Variants in INPP5B observed in about 807,000 individuals in gnomAD.
The protein encoded by INPP5B is inositol polyphosphate-5-phosphatase B, also known as type II inositol 1,4,5-trisphosphate 5-phosphatase.
In INPP5B, 90 loss-of-function variants were observed where a neutral mutation model predicts 118.5. The observed-to-expected ratio is 0.76, with a 90% CI of 0.64 to 0.90. The LOEUF is 0.90. Among genes scored for constraint, INPP5B ranks in the 40% least tolerant of loss-of-function variants. The pLI is 0.00. For synonymous variants in INPP5B, 385 were observed against 418.9 expected (o/e 0.92, Z 0.99); for missense variants, 984 against 1,125.6 (o/e 0.87, Z 1.80).
intron 7 of INPP5B, among the ~76,000 whole-genome samples, chr1:37,922,962 G>A (rs992913832): frequency 6.6e-6 from 1 of 152,204 alleles, no homozygotes; most frequent in African/African-American, 2.4e-5. Flanking sequence ...CTTCCCTTCA[G>A]TGGGCCTTCT....
At chr1:37,927,834 G>A (rs190416870) in intron 7 of INPP5B, among the ~76,000 whole-genome samples, 3 of 152,242 alleles carry the variant, frequency 2.0e-5, no homozygotes, top group African/African-American at 7.2e-5. Flanking sequence ...ACTGCGCCCG[G>A]CCTCATTTTT....
chr1:37,863,282 G>A (rs142049294), intron 23 of INPP5B, among the ~76,000 whole-genome samples: 236 of 151,700 alleles, frequency 1.6e-3, no homozygotes, highest in Middle Eastern at 0.011. Flanking sequence ...TTGGGAGGCC[G>A]AGGCGGGTGG....
intron 5 of INPP5B, among the ~76,000 whole-genome samples, chr1:37,943,174 A>G (rs28760325): frequency 0.44 from 66,506 of 151,072 alleles, 16,993 homozygotes; most frequent in Non-Finnish European, 0.58. Context: ...CTAATTTTGT[A>G]TTTTTAGTAG....
At chr1:37,908,367 C>A (rs536726743) in intron 7 of INPP5B, among the ~76,000 whole-genome samples, 1 of 152,256 alleles carries the variant, frequency 6.6e-6, no homozygotes, top group African/African-American at 2.4e-5. Flanking sequence ...TCTCTTGCTA[C>A]CCTTCAATCT....
At position 37,903,978 on chromosome 1, in the gene INPP5B, AAC is replaced by A. The variant is rs1197784419; in HGVS notation, c.533-12526_533-12525del. On this transcript the variant is annotated intron_variant, in intron 7 of 23. Transcript: ENST00000373024. Reference sequence around the variant, plus strand: ...ACTTAAGTAATCTTTGGGAAATAAAAACAGTTTTACATGCAAGGTGTGTAAAG... The same window carrying A: ...ACTTAAGTAATCTTTGGGAAATAAAAAGTTTTACATGCAAGGTGTGTAAAG... Among the ~76,000 whole-genome samples, 4 of 152,228 alleles carry A rather than the reference AAC, an allele frequency of 2.6e-5. No individual in the cohort carries two copies. The East Asian group carries it at 5.8e-4, about 22-fold the overall frequency.
chr1:37,946,261 G>A lies in INPP5B; in HGVS notation c.48C>T (p.Tyr16=). Residue 16 remains tyrosine, a synonymous_variant, in exon 2 of 24, where the codon TAC becomes TAT. Transcript: ENST00000373024. ...AGCACAGGAAGGATATGATGACGCAGTATTCCCCCTCAGCCAGCGTCTCCT... is the reference window on the plus strand; with the variant it reads ...AGCACAGGAAGGATATGATGACGCAATATTCCCCCTCAGCCAGCGTCTCCT... ...AIQETLAEGE[Y]CVIAVQGVLC... 6.2e-7 allele frequency: 1 copy of A among 1,611,112 alleles called. No homozygotes were observed. Among genetic ancestry groups the A allele is most frequent in the African/African-American group, 1.3e-5 (1 of 75,018 alleles).
chr1:37,888,241 A>C lies in INPP5B; in HGVS notation c.899+2T>G, dbSNP rs1312262190. On this transcript the variant is annotated splice_donor_variant, in intron 10 of 23. Coordinates refer to ENST00000373024, the MANE Select transcript of INPP5B (RefSeq NM_005540.3). LOFTEE classifies it high-confidence loss of function. ...AGAGGGGACTAGAAGAGAAGCACTC[A>C]CCCTACACAATAGACATCTGGGGCC... The C allele has an allele frequency of 6.6e-7, 1 of 1,524,938 alleles. No homozygotes were observed. Among genetic ancestry groups the C allele is most frequent in the South Asian group, 1.3e-5 (1 of 78,856 alleles). 94.5% of individuals were successfully genotyped at this position (1,524,938 alleles called of 1,614,324 possible).
Position 37,871,071 on chromosome 1 carries a change from C to T in INPP5B, c.2187+1859G>A, listed in dbSNP as rs1354617350. Among the ~76,000 whole-genome samples, 7 of 149,978 alleles carry T rather than the reference C, an allele frequency of 4.7e-5. No homozygotes were observed. The South Asian group carries it at 8.5e-4, about 18-fold the overall frequency. On this transcript the variant is annotated intron_variant, in intron 19 of 23. Coordinates refer to ENST00000373024, the MANE Select transcript of INPP5B (RefSeq NM_005540.3). ...ACTGGGGAGGCTGAGGCACAAGAAT[C>T]GCTTGCAACCTGGACGGCAGAGGTT...
chr1:37,936,246 T>G (rs1645684649), intron 6 of INPP5B, among the ~76,000 whole-genome samples: 1 of 152,078 alleles, frequency 6.6e-6, no homozygotes, highest in Non-Finnish European at 1.5e-5. Flanking sequence ...GGTCCTGCCC[T>G]TCCCTCCGAC....
At chr1:37,928,871 A>C (rs1289579827) in intron 7 of INPP5B, 2 of 152,062 alleles carry the variant, frequency 1.3e-5, no homozygotes, top group African/African-American at 4.8e-5. Flanking sequence ...ATATGCATAT[A>C]GGAAAAAACA....
In INPP5B at chr1:37,862,382, T is replaced by C; in HGVS notation, c.2675A>G (p.Lys892Arg). 3 of 1,613,914 alleles carry C rather than the reference T, an allele frequency of 1.9e-6. No individual in the cohort carries two copies. Among genetic ancestry groups the C allele is most frequent in the Non-Finnish European group, 2.5e-6 (3 of 1,179,818 alleles). ...LLLRNPAGHQ[K>R]LDMTEKKKAQ... ...CTTCTTCTTCTCTGTCATATCAAGC[T>C]TTTGGTGACCAGCTGGGTTTCGAAG... Residue 892 changes from lysine to arginine, a missense_variant, in exon 24 of 24, where the codon AAG (lysine) becomes AGG (arginine). Physicochemically the swap from Lys to Arg is conservative, Grantham distance 26. Transcript: ENST00000373024.
At chr1:37,928,174 G>A (rs531177751) in intron 7 of INPP5B, among the ~76,000 whole-genome samples, 1 of 151,944 alleles carries the variant, frequency 6.6e-6, no homozygotes, top group East Asian at 1.9e-4. Context: ...ATCAAAAACA[G>A]CTTTTTTTTT....
chr1:37,937,200 A>T lies in INPP5B; in HGVS notation c.391+3488T>A, dbSNP rs191063647. Among the ~76,000 whole-genome samples the T allele has an allele frequency of 1.1e-4, 16 of 151,998 alleles. No individual in the cohort carries two copies. The East Asian group carries it at 2.9e-3, about 28-fold the overall frequency. On this transcript the variant is annotated intron_variant, in intron 6 of 23. Coordinates refer to ENST00000373024, the MANE Select transcript of INPP5B (RefSeq NM_005540.3). ...GTGGCGTGCACCTGTAATCCCAGCT[A>T]CTCAGGAGGCTGAAGTAGAACAGTC...
intron 11 of INPP5B, 85 bp from the exon 12 acceptor site, chr1:37,887,089 G>C: frequency 9.2e-7 from 1 of 1,088,724 alleles, no homozygotes; most frequent in Non-Finnish European, 1.4e-6. Flanking sequence ...AGCTGGCTGA[G>C]AGTATTCACG....
chr1:37,863,699 A>C (rs1226119775), intron 23 of INPP5B, among the ~76,000 whole-genome samples: 3 of 151,594 alleles, frequency 2.0e-5, no homozygotes, highest in African/African-American at 7.3e-5. Context: ...GCACACACAC[A>C]CACACACATG....
chr1:37,922,561 T>G (rs1042178015), intron 7 of INPP5B, among the ~76,000 whole-genome samples: 1 of 152,094 alleles, frequency 6.6e-6, no homozygotes, highest in Admixed American at 6.5e-5. Context: ...CCGGGCATGG[T>G]GGCAGGCGCC....
At chr1:37,898,356 T>C (rs1644200450) in intron 7 of INPP5B, among the ~76,000 whole-genome samples, 1 of 152,136 alleles carries the variant, frequency 6.6e-6, no homozygotes, top group African/African-American at 2.4e-5. Context: ...TGGTGATACA[T>C]GGTAGTATCT....
chr1:37,886,823 A>C (rs1278980251), intron 12 of INPP5B, 65 bp downstream of exon 12: 1 of 1,121,862 alleles, frequency 8.9e-7, no homozygotes, highest in East Asian at 2.3e-5. Context: ...CTGTGTCATC[A>C]GAAGTGGTCA....
intron 7 of INPP5B, among the ~76,000 whole-genome samples, chr1:37,920,486 G>A (rs1645014022): frequency 6.6e-6 from 1 of 151,888 alleles, no homozygotes; most frequent in Admixed American, 6.6e-5. Flanking sequence ...CCAACATGGA[G>A]AAACCCTGTC....
Sources: allele counts gnomAD v4.1 joint callset (sites outside exome capture counted in the v4.1 genomes callset), GRCh38; gene constraint gnomAD v4.1.1; transcripts MANE v1.5; gene names NCBI Gene and HGNC (gene_info 2026-07-23, HGNC 2026-07-21).